The following BRD4 variants were observed in gnomAD, a reference collection of about 807,000 sequenced individuals.
BRD4 encodes the protein bromodomain containing 4, also known as bromodomain-containing protein 4.
A neutral mutation model predicts 142.1 loss-of-function variants in BRD4; 16 were observed. The observed-to-expected ratio is 0.11, with a 90% CI of 0.08 to 0.17. The LOEUF is 0.17. Among genes scored for constraint, BRD4 ranks in the 10% least tolerant of loss-of-function variants. BRD4 has a pLI of 1.00. For synonymous variants in BRD4, 833 were observed against 707.5 expected, an observed-to-expected ratio of 1.18 and a Z score of -2.82; for missense variants, 1,424 against 1,810.9, an observed-to-expected ratio of 0.79 and a Z score of 3.88.
At chr19:15,255,198 A>G (rs1307461342) in intron 10 of BRD4, 99 bp downstream of exon 10, 4 of 1,191,330 alleles carry the variant, frequency 3.4e-6, no homozygotes, top group Non-Finnish European at 4.6e-6. Flanking sequence ...GGAAAAAAAA[A>G]AGGGGGGGGG....
intron 1 of BRD4, among the ~76,000 whole-genome samples, chr19:15,326,153 TAAAAA>T (rs755812111): frequency 9.9e-6 from 1 of 100,954 alleles, no homozygotes; most frequent in Non-Finnish European, 2.0e-5. Context: ...AATGTAGCAT[TAAAAA>T]AAAAAAAAAA....
intron 2 of BRD4, among the ~76,000 whole-genome samples, chr19:15,271,802 G>T (rs1038541963): frequency 6.6e-6 from 1 of 151,254 alleles, no homozygotes; most frequent in African/African-American, 2.5e-5. Flanking sequence ...ATCTTCCCCC[G>T]AGTGCTTGAC....
intron 11 of BRD4, 130 bp from the exon 12 acceptor site, chr19:15,244,892 G>C: frequency 6.7e-7 from 1 of 1,499,104 alleles, no homozygotes; most frequent in Non-Finnish European, 9.0e-7. Context: ...GGGCAGCCGA[G>C]TTCAATGAGG....
intron 1 of BRD4, among the ~76,000 whole-genome samples, chr19:15,278,105 CAAAAAAAAAAAAAAAAAAAAAA>C (rs59204229): frequency 3.6e-5 from 2 of 55,028 alleles, no homozygotes; most frequent in African/African-American, 6.7e-5. Context: ...GACTCCGTCT[CAAAAAAAAAAAAAAAAAAAAAA>C]AAAAAAAAAA....
At chr19:15,327,918 T>G (rs868812071) in intron 1 of BRD4, among the ~76,000 whole-genome samples, 16 of 17,844 alleles carry the variant, frequency 9.0e-4, no homozygotes, top group South Asian at 3.7e-3. Flanking sequence ...GGATTTCTTT[T>G]GGGGGGGGGG....
At chr19:15,279,929 G>A (rs926528083) in intron 1 of BRD4, among the ~76,000 whole-genome samples, 6 of 152,182 alleles carry the variant, frequency 3.9e-5, no homozygotes, top group African/African-American at 1.4e-4. Flanking sequence ...GTAGAAAGAC[G>A]CCAGGGAAGG....
At chr19:15,285,362 T>C (rs6512020) in intron 1 of BRD4, among the ~76,000 whole-genome samples, 119,264 of 152,248 alleles carry the variant, frequency 0.78, 47,492 homozygotes, top group African/African-American at 0.94. Context: ...CTGGGCAACA[T>C]GGCAAAACCG....
intron 1 of BRD4, among the ~76,000 whole-genome samples, chr19:15,326,074 A>C (rs1599534045): frequency 6.6e-6 from 1 of 150,728 alleles, no homozygotes; most frequent in Non-Finnish European, 1.5e-5. Context: ...AAATAGCAGA[A>C]TTAAGTTATG....
At chr19:15,276,654 T>C (rs1003558655) in intron 1 of BRD4, among the ~76,000 whole-genome samples, 1 of 152,168 alleles carries the variant, frequency 6.6e-6, no homozygotes, top group Admixed American at 6.5e-5. Context: ...TTAGTGACCA[T>C]ACCCACATTG....
chr19:15,301,864 A>AG (rs1907371391), intron 1 of BRD4, among the ~76,000 whole-genome samples: 2 of 146,258 alleles, frequency 1.4e-5, no homozygotes, highest in South Asian at 2.2e-4. Flanking sequence ...TCCGTCTCAA[A>AG]GAAAAAAAAA....
chr19:15,242,844 C>T, intron 14 of BRD4, 56 bp downstream of exon 14: 1 of 1,558,946 alleles, frequency 6.4e-7, no homozygotes, highest in Non-Finnish European at 8.7e-7. Flanking sequence ...TTCCTGAGGA[C>T]AAAACTATAG....
At position 15,243,020 on chromosome 19, in the gene BRD4, G is replaced by C; in HGVS notation, c.3049C>G (p.Gln1017Glu). Reference sequence around the variant, plus strand: ...CCTGGGGGCGGATGGGGGGGCTGCTGGCCCTGGGGTGGCGGGGGCTGTTGG... The same window carrying C: ...CCTGGGGGCGGATGGGGGGGCTGCTCGCCCTGGGGTGGCGGGGGCTGTTGG... ...HIQQPPPPQG[Q>E]QPPHPPPGQQ... Residue 1017 changes from glutamine to glutamate, a missense_variant, in exon 14 of 20, where the codon CAG (glutamine) becomes GAG (glutamate). Gln to Glu is a conservative substitution (Grantham distance 29). Transcript: ENST00000679869. The C allele has an allele frequency of 6.5e-7, 1 of 1,529,170 alleles. No individual in the cohort carries two copies. The highest frequency in any genetic ancestry group is 8.8e-7 in the Non-Finnish European group (1 of 1,140,290). 94.7% of individuals were successfully genotyped at this position (1,529,170 alleles called of 1,614,324 possible).
rs917602186 is a variant in BRD4, at chr19:15,311,056, C to T, written c.-35+21234G>A. On this transcript the variant is annotated intron_variant, in intron 1 of 19. Coordinates refer to ENST00000679869, the MANE Select transcript of BRD4 (RefSeq NM_001379291.1). ...CTGTAATCCCAGCACTTTGGGAGGC[C>T]GAGGCAGGTGGATCCCTTGAGGCCA... Among the ~76,000 whole-genome samples the T allele has an allele frequency of 1.1e-4, 17 of 150,362 alleles. 1 individual carries two copies. Among genetic ancestry groups the T allele is most frequent in the Non-Finnish European group, 1.8e-4 (12 of 67,502 alleles).
At chr19:15,272,730 C>CT in intron 2 of BRD4, 85 bp downstream of exon 2, 2 of 1,334,822 alleles carry the variant, frequency 1.5e-6, no homozygotes, top group Non-Finnish European at 2.1e-6. Flanking sequence ...ATCTCCTACC[C>CT]TCCCCCCAGG....
At chr19:15,304,552 C>A (rs537205622) in intron 1 of BRD4, among the ~76,000 whole-genome samples, 12 of 152,330 alleles carry the variant, frequency 7.9e-5, no homozygotes, top group African/African-American at 2.6e-4. Flanking sequence ...GCTGAGCAGC[C>A]AAACCCAGCC....
chr19:15,239,775 A>G lies in BRD4; in HGVS notation c.3329T>C (p.Val1110Ala), dbSNP rs761637834. 6.2e-7 allele frequency: 1 copy of G among 1,611,812 alleles called. No homozygotes were observed. Among genetic ancestry groups the G allele is most frequent in the Non-Finnish European group, 8.5e-7 (1 of 1,179,670 alleles). Reference protein sequence around the residue: ...SVVQPQPLVVVKEEKIHSPII... With the variant: ...SVVQPQPLVVAKEEKIHSPII... The stretch of plus-strand genomic sequence containing the variant: ...GGGTGAGTGGATCTTCTCCTCCTTC[A>G]CCACCACGAGGGGCTGGGGCTGGAC... Residue 1110 changes from valine (V) to alanine (A), a missense_variant, in exon 16 of 20, where the codon GTG becomes GCG. Val to Ala is a moderately conservative substitution (Grantham distance 64). Transcript: ENST00000679869. This position sits in a 1 kb window ranked among gnomAD's most constrained non-coding sequence, Gnocchi z 7.4.
At chr19:15,293,075 A>C (rs576974858) in intron 1 of BRD4, among the ~76,000 whole-genome samples, 6 of 152,264 alleles carry the variant, frequency 3.9e-5, no homozygotes, top group African/African-American at 1.4e-4. Context: ...AAGTTCAAGG[A>C]GGCCAATGGC....
At chr19:15,261,488 AAAAGAAAG>A (rs929447121) in intron 7 of BRD4, among the ~76,000 whole-genome samples, 2 of 152,110 alleles carry the variant, frequency 1.3e-5, no homozygotes, top group Admixed American at 6.5e-5. Flanking sequence ...TCTCAAAAAA[AAAAGAAAG>A]AAAGAAAGAA....
chr19:15,286,873 G>A (rs1021176312), intron 1 of BRD4, among the ~76,000 whole-genome samples: 2 of 152,216 alleles, frequency 1.3e-5, no homozygotes, highest in African/African-American at 4.8e-5. Context: ...AGCCACGTGG[G>A]GTTAGTGCTG....
Sources: gnomAD v4.1 joint callset for allele counts (sites outside exome capture counted in the v4.1 genomes callset) on GRCh38, gnomAD v4.1.1 for gene constraint, Gnocchi (gnomAD v3.1) non-coding constraint, MANE v1.5 for transcripts, NCBI Gene and HGNC (gene_info 2026-07-23, HGNC 2026-07-21) for gene names.